ABCC5: variants seen among roughly 807,000 people sequenced by gnomAD.
ABCC5 encodes the protein ATP binding cassette subfamily C member 5, also known as ATP-binding cassette sub-family C member 5.
A neutral mutation model predicts 160.9 loss-of-function variants in ABCC5; 61 were observed. The ratio of observed to expected loss-of-function variants is 0.38; its 90% CI spans 0.31 to 0.47. ABCC5 has a LOEUF of 0.47. Among genes scored for constraint, ABCC5 ranks in the 20% least tolerant of loss-of-function variants. The pLI is 0.99. For synonymous variants in ABCC5, 666 were observed against 700.6 expected (o/e 0.95, Z 0.78); for missense variants, 1,308 against 1,813.3 (o/e 0.72, Z 5.06).
At position 183,980,065 on chromosome 3, in the gene ABCC5, G is replaced by A. The variant is rs150701113; in HGVS notation, c.1148-1414C>T. 5.0e-3 allele frequency among the ~76,000 whole-genome samples: 758 copies of A among 152,148 alleles called. 11 individuals carry two copies. Among genetic ancestry groups the A allele is most frequent in the African/African-American group, 0.017 (709 of 41,512 alleles). On this transcript the variant is annotated intron_variant, in intron 8 of 29. Coordinates refer to ENST00000334444, the MANE Select transcript of ABCC5 (RefSeq NM_005688.4). Reference sequence around the variant, plus strand: ...AATTTTTGTATTTTTAGTAGAGACGGGGTTTTGCCATTTTGGCCAGGCTGC... The same window carrying A: ...AATTTTTGTATTTTTAGTAGAGACGAGGTTTTGCCATTTTGGCCAGGCTGC...
At chr3:183,938,664 G>A (rs541496255) in intron 25 of ABCC5, among the ~76,000 whole-genome samples, 1 of 152,264 alleles carries the variant, frequency 6.6e-6, no homozygotes, top group South Asian at 2.1e-4. Context: ...CAGGTGCACA[G>A]AGCTGAATGC....
chr3:183,968,307 G>A (rs1213572885), intron 11 of ABCC5, among the ~76,000 whole-genome samples: 4 of 151,856 alleles, frequency 2.6e-5, no homozygotes, highest in African/African-American at 4.8e-5. Context: ...ACAGGGTTTC[G>A]CCATGTTGGT....
chr3:183,983,825 C>T, intron 5 of ABCC5: 3 of 985,432 alleles, frequency 3.0e-6, no homozygotes, highest in Non-Finnish European at 1.2e-6. Context: ...CTCACAAACA[C>T]TGTACAGCAG....
At chr3:183,927,277 G>C (rs917952140) in intron 28 of ABCC5, 53 bp downstream of exon 28, 37 of 1,566,174 alleles carry the variant, frequency 2.4e-5, no homozygotes, top group Non-Finnish European at 3.0e-5. Flanking sequence ...TCAGGGCAAG[G>C]CTGCACTAAA....
rs148706411 is a variant in ABCC5 at position 184,002,797 on chromosome 3, A to G, written c.129+11467T>C. On this transcript the variant is annotated intron_variant, in intron 2 of 29. Transcript: ENST00000334444. ...TCCAATCCCTTCCTGGAGGCCGGACAACAGCAGGGTAGCCTGCCTAATAAG... is the reference window on the plus strand; with the variant it reads ...TCCAATCCCTTCCTGGAGGCCGGACGACAGCAGGGTAGCCTGCCTAATAAG... Among the ~76,000 whole-genome samples the G allele has an allele frequency of 5.0e-3, 761 of 152,326 alleles. 11 individuals carry two copies. The highest frequency in any genetic ancestry group is 0.017 in the African/African-American group (712 of 41,576).
At position 183,959,855 on chromosome 3, in the gene ABCC5, A is replaced by G. The variant is rs200875878; in HGVS notation, c.2380-20T>C. 6.4e-7 allele frequency: 1 copy of G among 1,560,668 alleles called. No individual in the cohort carries two copies. Among genetic ancestry groups the G allele is most frequent in the African/African-American group, 1.4e-5 (1 of 72,650 alleles). On this transcript the variant is annotated intron_variant, in intron 16 of 29. Coordinates refer to ENST00000334444, the MANE Select transcript of ABCC5 (RefSeq NM_005688.4). ...ATTGATCTAATAATATTTAAAAAAA[A>G]AAGTCTCCAGTCATGTTAGCCATCC... is the stretch of plus-strand genomic sequence containing the variant.
rs1216126425 is a variant in ABCC5 at position 183,994,872 on chromosome 3, T to TTTC, written c.130-5490_130-5489insGAA. 7.9e-5 allele frequency among the ~76,000 whole-genome samples: 12 copies of TTTC among 151,870 alleles called. No individual in the cohort carries two copies. In the East Asian group the frequency reaches 1.9e-3, roughly 24 times the overall value. Reference sequence around the variant, plus strand: ...TTTTCTATGTTTTTTTTTTTTTTTTTTTAAGACAAGGTCTTGCTCTGTTGC... The same window carrying TTTC: ...TTTTCTATGTTTTTTTTTTTTTTTTTTTCTTAAGACAAGGTCTTGCTCTGTTGC... On this transcript the variant is annotated intron_variant, in intron 2 of 29. Coordinates refer to ENST00000334444, the MANE Select transcript of ABCC5 (RefSeq NM_005688.4).
chr3:183,947,308 T>C lies in ABCC5; in HGVS notation c.3414+16A>G. ...CTCAAACAAGCAAAGATGACGCTCCTATCCCAGAGACTGACCTGGACAGCA... is the reference window on the plus strand; with the variant it reads ...CTCAAACAAGCAAAGATGACGCTCCCATCCCAGAGACTGACCTGGACAGCA... On this transcript the variant is annotated intron_variant, in intron 23 of 29. Transcript: ENST00000334444. 2 of 1,572,844 alleles carry C rather than the reference T, an allele frequency of 1.3e-6. No homozygotes were observed. The highest frequency in any genetic ancestry group is 1.7e-6 in the Non-Finnish European group (2 of 1,154,430).
At chr3:183,999,621 T>A (rs1349602059) in intron 2 of ABCC5, among the ~76,000 whole-genome samples, 1 of 151,196 alleles carries the variant, frequency 6.6e-6, no homozygotes, top group African/African-American at 2.4e-5. Flanking sequence ...ATATACAGCA[T>A]TTTTTAAAAC....
At chr3:183,994,805 T>C (rs1720117134) in intron 2 of ABCC5, among the ~76,000 whole-genome samples, 1 of 152,086 alleles carries the variant, frequency 6.6e-6, no homozygotes, top group Admixed American at 6.5e-5. Flanking sequence ...ATGTCACCCC[T>C]ACATTCTTTT....
At chr3:183,930,403 G>A (rs893384087) in intron 26 of ABCC5, among the ~76,000 whole-genome samples, 1 of 152,234 alleles carries the variant, frequency 6.6e-6, no homozygotes, top group East Asian at 1.9e-4. Context: ...CCTTGGCCCA[G>A]GAAGTGTTGT....
At chr3:183,999,974 A>G (rs965816685) in intron 2 of ABCC5, among the ~76,000 whole-genome samples, 2 of 152,120 alleles carry the variant, frequency 1.3e-5, no homozygotes, top group Non-Finnish European at 2.9e-5. Flanking sequence ...ACAAGCAGAA[A>G]TGTATCAAAG....
intron 29 of ABCC5, among the ~76,000 whole-genome samples, chr3:183,925,209 G>A (rs111410727): frequency 2.6e-5 from 4 of 152,340 alleles, no homozygotes; most frequent in African/African-American, 9.6e-5. Context: ...AATTGTGTAT[G>A]TGAATGAATC....
At chr3:183,925,149 T>A (rs1193404252) in intron 29 of ABCC5, among the ~76,000 whole-genome samples, 1 of 152,144 alleles carries the variant, frequency 6.6e-6, no homozygotes, top group Admixed American at 6.5e-5. Flanking sequence ...CCGGGAGCGG[T>A]AATCATTGTG....
chr3:183,959,404 G>A lies in ABCC5; in HGVS notation c.2482+329C>T, dbSNP rs376545766. On this transcript the variant is annotated intron_variant, in intron 17 of 29. Transcript: ENST00000334444. ...GTTGGGACTTTTCATGAGCAGAGGC[G>A]AATCACTGGATGGAAGGGTGTACCT... 2.6e-5 allele frequency among the ~76,000 whole-genome samples: 4 copies of A among 152,146 alleles called. No homozygotes were observed. In the East Asian group the frequency reaches 5.8e-4, roughly 22 times the overall value.
chr3:183,957,617 C>CTTATCCGTGTGT, intron 17 of ABCC5, among the ~76,000 whole-genome samples: 1 of 151,684 alleles, frequency 6.6e-6, no homozygotes, highest in Non-Finnish European at 1.5e-5. Context: ...CGGTTACATG[C>CTTATCCGTGTGT]AGATCCATGT....
chr3:183,938,065 T>C lies in ABCC5; in HGVS notation c.3695-5A>G, dbSNP rs778927989. On this transcript the variant is annotated splice_region_variant and splice_polypyrimidine_tract_variant and intron_variant, in intron 25 of 29. Coordinates refer to ENST00000334444, the MANE Select transcript of ABCC5 (RefSeq NM_005688.4). ...CCATCCCCAGCGAGGACTTCCCTGA[T>C]GAGTCAGAAGACATGCAAGAGAGGA... The C allele has an allele frequency of 2.5e-6, 4 of 1,613,846 alleles. No homozygotes were observed. Among genetic ancestry groups the C allele is most frequent in the African/African-American group, 2.7e-5 (2 of 75,066 alleles).
At chr3:183,999,152 G>A (rs757419021) in intron 2 of ABCC5, among the ~76,000 whole-genome samples, 24 of 150,724 alleles carry the variant, frequency 1.6e-4, no homozygotes, top group Non-Finnish European at 2.9e-4. Flanking sequence ...TAACCTGCCA[G>A]TAACTGCACA....
rs1719395447 is a variant in ABCC5, at chr3:183,988,112, G to C, written c.444-195C>G. Among the ~76,000 whole-genome samples, 1 of 152,090 alleles carries C rather than the reference G, an allele frequency of 6.6e-6. No homozygotes were observed. On this transcript the variant is annotated intron_variant, in intron 4 of 29. Transcript: ENST00000334444. The surrounding 1 kb of genome is among the most constrained non-coding windows in gnomAD (Gnocchi z 4.4). ...GAACTACACATTTACCCTGTATAAG[G>C]AGCCTCCCAGGATACAGAAAATGAT... is the stretch of plus-strand genomic sequence containing the variant.
Sources: gnomAD v4.1 joint callset for allele counts (sites outside exome capture counted in the v4.1 genomes callset) on GRCh38, gnomAD v4.1.1 for gene constraint, Gnocchi (gnomAD v3.1) non-coding constraint, MANE v1.5 for transcripts, NCBI Gene and HGNC (gene_info 2026-07-23, HGNC 2026-07-21) for gene names.